The following GPHN variants were observed in gnomAD, a reference collection of about 807,000 sequenced individuals.
GPHN encodes the protein gephyrin.
In GPHN, 17 loss-of-function variants were observed where a neutral mutation model predicts 95.5. That is an observed-to-expected ratio of 0.18 (90% CI 0.12 to 0.27). The LOEUF is 0.27. GPHN is among the 10% of genes least tolerant of loss of function. The probability of loss-of-function intolerance (pLI) is 1.00; values close to 1 mark genes in which losing one functional copy is unlikely to be tolerated. For synonymous variants in GPHN, 320 were observed against 322.5 expected, an observed-to-expected ratio of 0.99 and a Z score of 0.08; for missense variants, 660 against 978.1, an observed-to-expected ratio of 0.67 and a Z score of 4.34.
At chr14:67,100,934 G>T in intron 13 of GPHN, 23 bp downstream of exon 13, 1 of 1,437,656 alleles carries the variant, frequency 7.0e-7, no homozygotes, top group Non-Finnish European at 9.8e-7. Context: ...GGCCTGAAAG[G>T]CACTGAAGAT....
chr14:67,566,554 G>C, the GPHN span, among the ~76,000 whole-genome samples: 1 of 148,412 alleles, frequency 6.7e-6, no homozygotes, highest in African/African-American at 2.4e-5. Flanking sequence ...AGACCAACCT[G>C]GGCAACACGG....
At position 66,634,758 on chromosome 14, in the gene GPHN, A is replaced by T. The variant is rs1050054086; in HGVS notation, c.65-46349A>T. On this transcript the variant is annotated intron_variant, in intron 1 of 22. Coordinates refer to ENST00000478722, the MANE Select transcript of GPHN (RefSeq NM_020806.5). ...AACCAGCTATAAGATTGCTTTTTTT[A>T]AAATTAAATATTAAGAGCCTTTCTT... Among the ~76,000 whole-genome samples the T allele has an allele frequency of 3.3e-5, 5 of 152,182 alleles. No individual in the cohort carries two copies. The South Asian group carries it at 1.0e-3, about 32-fold the overall frequency.
chr14:66,788,597 T>G lies in GPHN; in HGVS notation c.201+12076T>G, dbSNP rs540637676. ...TATGATTTGTATACCAAATAAACATTTCATCTTTGCATTGATGTGCTATTA... is the reference window on the plus strand; with the variant it reads ...TATGATTTGTATACCAAATAAACATGTCATCTTTGCATTGATGTGCTATTA... On this transcript the variant is annotated intron_variant, in intron 3 of 22. Transcript: ENST00000478722. Among the ~76,000 whole-genome samples, 147 of 152,334 alleles carry G rather than the reference T, an allele frequency of 9.6e-4. 1 individual carries two copies. Among genetic ancestry groups the G allele is most frequent in the Non-Finnish European group, 2.0e-3 (134 of 68,016 alleles).
At chr14:66,976,209 T>C (rs1362661674) in intron 9 of GPHN, among the ~76,000 whole-genome samples, 2 of 152,334 alleles carry the variant, frequency 1.3e-5, no homozygotes, top group African/African-American at 4.8e-5. Flanking sequence ...AAATGAAATA[T>C]TGATTTCTCT....
the GPHN span, among the ~76,000 whole-genome samples, chr14:67,379,854 C>T: frequency 0.063 from 9,496 of 151,384 alleles, 572 homozygotes; most frequent in African/African-American, 0.16. Context: ...CGAGGTTTCA[C>T]CGTTTTAGCC....
At chr14:67,329,297 G>A in the GPHN span, among the ~76,000 whole-genome samples, 1 of 152,144 alleles carries the variant, frequency 6.6e-6, no homozygotes, top group Non-Finnish European at 1.5e-5. Flanking sequence ...TTGATGTATA[G>A]GAATGCTTGT....
At chr14:67,562,459 A>C in the GPHN span, 1 of 1,613,808 alleles carries the variant, frequency 6.2e-7, no homozygotes, top group South Asian at 1.1e-5. Flanking sequence ...TTACCTTCAG[A>C]TGTAGTTCAG....
chr14:67,240,740 G>T, the GPHN span, among the ~76,000 whole-genome samples: 1 of 152,244 alleles, frequency 6.6e-6, no homozygotes, highest in Non-Finnish European at 1.5e-5. Flanking sequence ...GCCATGCCCG[G>T]AGCACGGGCT....
At chr14:66,602,797 G>T (rs558846138) in intron 1 of GPHN, among the ~76,000 whole-genome samples, 164 of 151,870 alleles carry the variant, frequency 1.1e-3, no homozygotes, top group African/African-American at 3.8e-3. Context: ...TTAAGGAGGG[G>T]GGTGGAAGAT....
At chr14:67,137,363 T>C (rs995331532) in intron 17 of GPHN, among the ~76,000 whole-genome samples, 4 of 151,684 alleles carry the variant, frequency 2.6e-5, no homozygotes, top group African/African-American at 9.7e-5. Flanking sequence ...ACCAGAATGG[T>C]CCCGATCTCC....
intron 1 of GPHN, among the ~76,000 whole-genome samples, chr14:66,571,004 G>A (rs1023380502): frequency 6.6e-6 from 1 of 151,866 alleles, no homozygotes; most frequent in Non-Finnish European, 1.5e-5. Context: ...TATATATTCT[G>A]GATATTAAGC....
chr14:67,323,936 A>G, the GPHN span: 1 of 572,736 alleles, frequency 1.7e-6, no homozygotes, highest in East Asian at 3.5e-5. Context: ...TTTTTCTGTA[A>G]TATTACTTGC....
the GPHN span, among the ~76,000 whole-genome samples, chr14:67,668,435 G>A: frequency 6.6e-6 from 1 of 152,210 alleles, no homozygotes; most frequent in Non-Finnish European, 1.5e-5. Flanking sequence ...TTCAAAGGCA[G>A]AAAGTGAATG....
the GPHN span, chr14:67,224,072 C>A: frequency 1.2e-6 from 1 of 858,816 alleles, no homozygotes; most frequent in Non-Finnish European, 1.4e-6. Context: ...AGTTAGGGAC[C>A]ATGATCTCAA....
intron 21 of GPHN, among the ~76,000 whole-genome samples, chr14:67,178,391 C>T (rs1159163025): frequency 6.6e-6 from 1 of 152,310 alleles, no homozygotes; most frequent in Middle Eastern, 3.4e-3. Flanking sequence ...TATTGGCCCC[C>T]ACTGTCTCCT....
chr14:67,359,866 G>A, the GPHN span: 22 of 715,388 alleles, frequency 3.1e-5, 2 homozygotes, highest in South Asian at 3.6e-4. Context: ...TTCCGCTTCC[G>A]GTTGTCACAG....
chr14:66,691,169 C>T (rs879504245), intron 2 of GPHN, among the ~76,000 whole-genome samples: 5 of 151,996 alleles, frequency 3.3e-5, no homozygotes, highest in Non-Finnish European at 7.4e-5. Flanking sequence ...TAGTGAGACA[C>T]TGTCTCTACA....
the GPHN span, among the ~76,000 whole-genome samples, chr14:67,409,664 G>T: frequency 6.6e-6 from 1 of 151,932 alleles, no homozygotes; most frequent in African/African-American, 2.4e-5. Flanking sequence ...CTTCTTTCTC[G>T]TCTGGGTGGG....
At chr14:67,093,551 CAT>C (rs904072967) in intron 12 of GPHN, among the ~76,000 whole-genome samples, 40 of 152,008 alleles carry the variant, frequency 2.6e-4, no homozygotes, top group African/African-American at 9.7e-4. Flanking sequence ...GAGTAATACT[CAT>C]GTGAATAGAT....
Sources: gnomAD v4.1 joint callset for allele counts (sites outside exome capture counted in the v4.1 genomes callset) on GRCh38, gnomAD v4.1.1 for gene constraint, MANE v1.5 for transcripts, NCBI Gene and HGNC (gene_info 2026-07-23, HGNC 2026-07-21) for gene names.